The following CELF1 variants were observed in gnomAD, a reference collection of about 807,000 sequenced individuals.
The protein encoded by CELF1 is 50 kDa nuclear polyadenylated RNA-binding protein.
CELF1 carries 10 observed loss-of-function variants against 61.8 expected under a neutral mutation model. The ratio of observed to expected loss-of-function variants is 0.16; its 90% CI spans 0.10 to 0.27. The LOEUF is 0.27. Among genes scored for constraint, CELF1 ranks in the 10% least tolerant of loss-of-function variants. CELF1 has a pLI of 1.00. For synonymous variants in CELF1, 236 were observed against 225.1 expected (o/e 1.05, Z -0.43); for missense variants, 380 against 639.1 (o/e 0.59, Z 4.37).
At chr11:47,489,889 G>A (rs1411255354) in intron 3 of CELF1, among the ~76,000 whole-genome samples, 1 of 143,282 alleles carries the variant, frequency 7.0e-6, no homozygotes, top group Non-Finnish European at 1.5e-5. Context: ...AACAACCTAG[G>A]TGAATTCTTA....
intron 1 of CELF1, among the ~76,000 whole-genome samples, chr11:47,544,186 A>G (rs1320034764): frequency 2.0e-5 from 3 of 152,226 alleles, no homozygotes; most frequent in Admixed American, 2.0e-4. Flanking sequence ...AGGAACACTG[A>G]CATAGTAGCT....
chr11:47,550,032 G>C (rs2097097418), intron 1 of CELF1, among the ~76,000 whole-genome samples: 1 of 151,860 alleles, frequency 6.6e-6, no homozygotes, highest in Admixed American at 6.6e-5. Context: ...GGCCAGGCTG[G>C]TCTCGAACTC....
intron 1 of CELF1, among the ~76,000 whole-genome samples, chr11:47,543,286 G>A (rs1197978324): frequency 1.3e-5 from 2 of 151,940 alleles, no homozygotes; most frequent in African/African-American, 2.4e-5. Flanking sequence ...CTATAGTCCC[G>A]GCTACTTGGG....
intron 1 of CELF1, among the ~76,000 whole-genome samples, chr11:47,508,825 C>T (rs1314612369): frequency 6.6e-6 from 1 of 152,154 alleles, no homozygotes; most frequent in African/African-American, 2.4e-5. Flanking sequence ...GGGTGGAGTG[C>T]AATGACGCGA....
chr11:47,525,254 T>C (rs985050643), intron 1 of CELF1, among the ~76,000 whole-genome samples: 4 of 152,216 alleles, frequency 2.6e-5, no homozygotes, highest in Admixed American at 6.5e-5. Flanking sequence ...TTAAAATCTA[T>C]GTCTGAGGAT....
At chr11:47,489,935 G>GTTTTTTTTTT (rs561900704) in intron 3 of CELF1, among the ~76,000 whole-genome samples, 716 of 48,220 alleles carry the variant, frequency 0.015, 231 homozygotes, top group African/African-American at 0.035. Context: ...ATACCATCTT[G>GTTTTTTTTTT]TTTTTTTTTT....
intron 3 of CELF1, chr11:47,494,311 A>T: frequency 7.2e-6 from 6 of 836,108 alleles, no homozygotes; most frequent in Non-Finnish European, 8.7e-6. Flanking sequence ...TACTGGCAGC[A>T]GAAGCAGTAA....
At chr11:47,479,580 A>T (rs2153417322) in intron 9 of CELF1, among the ~76,000 whole-genome samples, 2 of 152,300 alleles carry the variant, frequency 1.3e-5, no homozygotes, top group South Asian at 4.1e-4. Flanking sequence ...TGACTGATGG[A>T]TTAGTCTATA....
intron 1 of CELF1, among the ~76,000 whole-genome samples, chr11:47,525,117 T>C (rs2096169610): frequency 6.6e-6 from 1 of 152,200 alleles, no homozygotes; most frequent in Non-Finnish European, 1.5e-5. Flanking sequence ...TCCATTCGAG[T>C]GAACAATGTT....
Position 47,540,563 on chromosome 11 carries a change from C to T in CELF1, c.-154+12429G>A, listed in dbSNP as rs188473159. Among the ~76,000 whole-genome samples, 375 of 152,264 alleles carry T rather than the reference C, an allele frequency of 2.5e-3. 4 individuals carry two copies. Among genetic ancestry groups the T allele is most frequent in the Non-Finnish European group, 3.5e-3 (238 of 68,018 alleles). ...ACTTCCTTTCACTCCTCGGCCCCCACGAGACTCTTGCTCAGAGAGCACTCA... is the reference window on the plus strand; with the variant it reads ...ACTTCCTTTCACTCCTCGGCCCCCATGAGACTCTTGCTCAGAGAGCACTCA... On this transcript the variant is annotated intron_variant, in intron 1 of 14. Coordinates refer to ENST00000687097, the MANE Select transcript of CELF1 (RefSeq NM_001376376.1).
intron 1 of CELF1, among the ~76,000 whole-genome samples, chr11:47,517,426 A>C (rs2153635118): frequency 1.3e-5 from 2 of 152,284 alleles, no homozygotes; most frequent in Middle Eastern, 6.8e-3. Flanking sequence ...CCATTAATTG[A>C]AGGCTATTAA....
At chr11:47,524,666 C>T (rs1185220278) in intron 1 of CELF1, 1 of 152,262 alleles carries the variant, frequency 6.6e-6, no homozygotes, top group Non-Finnish European at 1.5e-5. Flanking sequence ...GCCACACGGC[C>T]TAGCTAGTGG....
intron 1 of CELF1, among the ~76,000 whole-genome samples, chr11:47,506,009 T>C (rs968331117): frequency 2.0e-5 from 3 of 150,944 alleles, no homozygotes; most frequent in African/African-American, 7.3e-5. Context: ...TGGAATCTAC[T>C]AAGTTCCGTC....
intron 1 of CELF1, among the ~76,000 whole-genome samples, chr11:47,528,330 T>C (rs2096332472): frequency 6.6e-6 from 1 of 152,156 alleles, no homozygotes; most frequent in South Asian, 2.1e-4. Flanking sequence ...AAAACTTCCT[T>C]ATACTATGTG....
chr11:47,532,331 T>C lies in CELF1; in HGVS notation c.-154+20661A>G, dbSNP rs184004663. Reference sequence around the variant, plus strand: ...GTGAGCCACCATGCCCAGTGTACAATTGCTCTTTTATGATGAGAGAAAAAC... The same window carrying C: ...GTGAGCCACCATGCCCAGTGTACAACTGCTCTTTTATGATGAGAGAAAAAC... On this transcript the variant is annotated intron_variant, in intron 1 of 14. Coordinates refer to ENST00000687097, the MANE Select transcript of CELF1 (RefSeq NM_001376376.1). Among the ~76,000 whole-genome samples the C allele has an allele frequency of 2.5e-3, 388 of 152,302 alleles. 1 individual carries two copies. The highest frequency in any genetic ancestry group is 4.2e-3 in the Non-Finnish European group (288 of 68,026).
Position 47,519,645 on chromosome 11 carries a change from G to A in CELF1, c.-153-18713C>T, listed in dbSNP as rs1013393636. ...CTTGCACTTTGGGAGGCCAAGGCGG[G>A]TGGATCACAAGGTCAGGAGATCGAG... On this transcript the variant is annotated intron_variant, in intron 1 of 14. Transcript: ENST00000687097. Among the ~76,000 whole-genome samples, 93 of 152,234 alleles carry A rather than the reference G, an allele frequency of 6.1e-4. 1 individual carries two copies. Among genetic ancestry groups the A allele is most frequent in the African/African-American group, 2.2e-3 (91 of 41,546 alleles).
intron 3 of CELF1, among the ~76,000 whole-genome samples, chr11:47,490,020 T>A (rs913100483): frequency 1.4e-5 from 2 of 142,760 alleles, no homozygotes; most frequent in Non-Finnish European, 1.5e-5. Flanking sequence ...CTCATGGCAA[T>A]CTCCACTTCC....
At chr11:47,517,202 T>C (rs1260981649) in intron 1 of CELF1, among the ~76,000 whole-genome samples, 3 of 145,016 alleles carry the variant, frequency 2.1e-5, no homozygotes, top group East Asian at 2.1e-4. Flanking sequence ...ACTGTGATCA[T>C]GCCACTGCAC....
At chr11:47,495,746 A>G (rs980013750) in intron 3 of CELF1, among the ~76,000 whole-genome samples, 37 of 152,196 alleles carry the variant, frequency 2.4e-4, no homozygotes, top group African/African-American at 8.4e-4. Flanking sequence ...AGTTCAGTCC[A>G]CCTGTGTCCT....
Sources: allele counts gnomAD v4.1 joint callset (sites outside exome capture counted in the v4.1 genomes callset), GRCh38; gene constraint gnomAD v4.1.1; transcripts MANE v1.5; gene names NCBI Gene and HGNC (gene_info 2026-07-23, HGNC 2026-07-21).